WBP2: variants seen among roughly 807,000 people sequenced by gnomAD.
WBP2 encodes the protein WW domain binding protein 2, also known as WW domain-binding protein 2.
In WBP2, 23 loss-of-function variants were observed where a neutral mutation model predicts 33.0. The observed-to-expected ratio is 0.70, with a 90% confidence interval of 0.50 to 0.99. The LOEUF (loss-of-function observed/expected upper bound fraction) is 0.99. Ranked by LOEUF, WBP2 falls within the 50% of genes least tolerant of loss-of-function variation. WBP2 has a pLI of 0.00. For missense variants in WBP2, 353 were observed against 358.0 expected (o/e 0.99, Z 0.11); for synonymous variants, 153 against 133.5 (o/e 1.15, Z -1.01).
intron 1 of WBP2, among the ~76,000 whole-genome samples, chr17:75,854,810 G>A (rs755665792): frequency 2.0e-5 from 3 of 152,168 alleles, no homozygotes; most frequent in Non-Finnish European, 4.4e-5. Flanking sequence ...CCCTACCTGT[G>A]AAATGTGGAC....
intron 4 of WBP2, 109 bp from the exon 5 acceptor site, chr17:75,848,039 C>T: frequency 7.1e-7 from 1 of 1,402,800 alleles, no homozygotes. Context: ...ATGTGCCCCG[C>T]AGACATCCTC....
chr17:75,847,077 G>A (rs2064997869), intron 6 of WBP2, 93 bp from the exon 7 acceptor site: 2 of 1,392,486 alleles, frequency 1.4e-6, no homozygotes, highest in Non-Finnish European at 1.0e-6. Flanking sequence ...CGGGGCAGCT[G>A]GTGCTGGGGG....
intron 2 of WBP2, among the ~76,000 whole-genome samples, chr17:75,850,124 C>A (rs1207382890): frequency 1.3e-5 from 2 of 152,110 alleles, no homozygotes; most frequent in Non-Finnish European, 2.9e-5. Context: ...CCTGAACTCT[C>A]CAGAACTGAG....
intron 2 of WBP2, among the ~76,000 whole-genome samples, chr17:75,850,566 C>T (rs567115313): frequency 6.6e-6 from 1 of 152,072 alleles, no homozygotes; most frequent in South Asian, 2.1e-4. Context: ...TTTAAACCCA[C>T]GACTTTTATC....
intron 1 of WBP2, chr17:75,852,519 G>C (rs2065034111): frequency 6.7e-6 from 1 of 149,986 alleles, no homozygotes; most frequent in Non-Finnish European, 1.5e-5. Context: ...GCAGTGGCGT[G>C]ATCTCGGCTC....
At chr17:75,855,372 T>A (rs117456048), upstream of WBP2, 5 of 1,545,724 alleles carry the variant, frequency 3.2e-6, no homozygotes, top group Non-Finnish European at 2.7e-6. Context: ...CCTAGTGGCG[T>A]CTTCTTATTA....
chr17:75,851,757 G>C, intron 1 of WBP2, 81 bp from the exon 2 acceptor site: 2 of 1,032,436 alleles, frequency 1.9e-6, no homozygotes, highest in Non-Finnish European at 3.0e-6. Context: ...TTTCTCCCAA[G>C]CAGCTGCCCG....
Position 75,855,307 on chromosome 17 carries a change from A to T in WBP2, c.-10T>A. On this transcript the variant is annotated 5_prime_UTR_variant, in exon 1 of 8. Coordinates refer to ENST00000254806, the MANE Select transcript of WBP2 (RefSeq NM_012478.4). ...TCTTGTTGAGCGCCATAGTCTCTCCAACAGGGGTCCCGAGACTCAAAACGC... is the reference window on the plus strand; with the variant it reads ...TCTTGTTGAGCGCCATAGTCTCTCCTACAGGGGTCCCGAGACTCAAAACGC... 6.2e-7 allele frequency: 1 copy of T among 1,611,828 alleles called. No homozygotes were observed. The highest frequency in any genetic ancestry group is 8.5e-7 in the Non-Finnish European group (1 of 1,179,910).
chr17:75,848,702 G>C, intron 3 of WBP2, 40 bp from the exon 4 acceptor site: 1 of 1,552,390 alleles, frequency 6.4e-7, no homozygotes. Flanking sequence ...CACAGGAAAA[G>C]AAAACTTATG....
At chr17:75,853,357 T>A (rs1467335803) in intron 1 of WBP2, among the ~76,000 whole-genome samples, 3 of 152,168 alleles carry the variant, frequency 2.0e-5, no homozygotes, top group Non-Finnish European at 4.4e-5. Context: ...AATTATCAAA[T>A]TTTGGACACT....
chr17:75,849,832 C>T, intron 2 of WBP2, 93 bp from the exon 3 acceptor site: 1 of 1,524,090 alleles, frequency 6.6e-7, no homozygotes. Context: ...GAATCCTCTC[C>T]CAGTGCCAGG....
intron 1 of WBP2, chr17:75,852,674 C>T (rs2065035060): frequency 5.2e-6 from 2 of 386,092 alleles, no homozygotes; most frequent in Admixed American, 1.3e-4. Context: ...CCAGGATGGT[C>T]TCGATCTCCT....
rs1427497922 is a variant in WBP2, at chr17:75,846,693, G to A, written c.*41C>T. ...CAGCACAGCCCCGATGGGAGGGGTA[G>A]GGTAGAGAGATGAGGGTGGGAGGCA... On this transcript the variant is annotated 3_prime_UTR_variant, in exon 8 of 8. Transcript: ENST00000254806. The surrounding 1 kb of genome is among the most constrained non-coding windows in gnomAD (Gnocchi z 4.8). 1 of 1,505,220 alleles carries A rather than the reference G, an allele frequency of 6.6e-7. No homozygotes were observed. Among genetic ancestry groups the A allele is most frequent in the Admixed American group, 2.2e-5 (1 of 44,834 alleles). The allele number at this position is 1,505,220 out of a possible 1,614,324, so 93.2% of individuals were successfully genotyped here.
intron 6 of WBP2, 58 bp from the exon 7 acceptor site, chr17:75,847,042 T>C (rs2143914689): frequency 6.2e-7 from 1 of 1,601,048 alleles, no homozygotes; most frequent in South Asian, 1.1e-5. Context: ...TGAGCTCAGC[T>C]AAGAGACCCC....
Position 75,846,876 on chromosome 17 carries a change from G to A in WBP2, c.732+32C>T. ...TGCGGCTCCCAGCATCTGCGGCTGT[G>A]GGGCTGCACCGGCACTGCCAAGCCC... On this transcript the variant is annotated intron_variant, in intron 7 of 7. Coordinates refer to ENST00000254806, the MANE Select transcript of WBP2 (RefSeq NM_012478.4). The surrounding 1 kb of genome is among the most constrained non-coding windows in gnomAD (Gnocchi z 4.8). 1 of 1,613,772 alleles carries A rather than the reference G, an allele frequency of 6.2e-7. No homozygotes were observed. The highest frequency in any genetic ancestry group is 2.2e-5 in the East Asian group (1 of 44,872).
chr17:75,856,009 G>A (rs973986377), upstream of WBP2, among the ~76,000 whole-genome samples: 2 of 152,192 alleles, frequency 1.3e-5, no homozygotes, highest in African/African-American at 4.8e-5. Flanking sequence ...CTCCCACCAC[G>A]TTCGCAGGCC....
At chr17:75,849,369 C>T (rs554850222) in intron 3 of WBP2, 88 of 512,950 alleles carry the variant, frequency 1.7e-4, no homozygotes, top group African/African-American at 1.1e-3. Context: ...TGACTCAGTC[C>T]GCAGGCTTCT....
chr17:75,856,326 CGTTAAT>C (rs112700585), upstream of WBP2: 31,094 of 152,010 alleles, frequency 0.2, 3,362 homozygotes, highest in African/African-American at 0.27. Context: ...TTCCGGTACT[CGTTAAT>C]GTTAAGGAAT....
Position 75,847,870 on chromosome 17 carries a change from T to G in WBP2, c.458A>C (p.Tyr153Ser). ...YGYSYMPSGA[Y>S]VYPPPVANGM... The stretch of plus-strand genomic sequence containing the variant: ...ATTGGCGACTGGCGGGGGATAGACA[T>G]AGGCCCCGCTGGGCATGTAAGAGTA... Residue 153 changes from tyrosine (Y) to serine (S), a missense_variant, in exon 5 of 8, where the codon TAT becomes TCT. Tyr to Ser is a moderately radical substitution (Grantham distance 144). Coordinates refer to ENST00000254806, the MANE Select transcript of WBP2 (RefSeq NM_012478.4). 6.4e-7 allele frequency: 1 copy of G among 1,556,088 alleles called. No individual in the cohort carries two copies. Among genetic ancestry groups the G allele is most frequent in the South Asian group, 1.2e-5 (1 of 84,568 alleles).
Sources: allele counts gnomAD v4.1 joint callset (sites outside exome capture counted in the v4.1 genomes callset), GRCh38; gene constraint gnomAD v4.1.1; non-coding constraint Gnocchi (gnomAD v3.1); transcripts MANE v1.5; gene names NCBI Gene and HGNC (gene_info 2026-07-23, HGNC 2026-07-21).